RDH11: variants seen among roughly 807,000 people sequenced by gnomAD.
RDH11 encodes retinol dehydrogenase 11.
RDH11 carries 19 observed loss-of-function variants against 33.4 expected under a neutral mutation model. That is an observed-to-expected ratio of 0.57 (90% CI 0.40 to 0.83). The LOEUF (loss-of-function observed/expected upper bound fraction) is 0.83. Among genes scored for constraint, RDH11 ranks in the 40% least tolerant of loss-of-function variants. RDH11 has a pLI of 0.00. For synonymous variants in RDH11, 154 were observed against 155.3 expected (o/e 0.99, Z 0.06); for missense variants, 353 against 389.0 (o/e 0.91, Z 0.78).
chr14:67,682,303 C>T (rs1304043535), intron 6 of RDH11, among the ~76,000 whole-genome samples: 1 of 152,044 alleles, frequency 6.6e-6, no homozygotes, highest in Non-Finnish European at 1.5e-5. Flanking sequence ...TCAAAAGATA[C>T]CATTAAGAAA....
intron 4 of RDH11, 35 bp from the exon 5 acceptor site, chr14:67,690,456 G>T: frequency 1.3e-6 from 2 of 1,583,198 alleles, no homozygotes; most frequent in Non-Finnish European, 1.7e-6. Context: ...GAAGTTCAGG[G>T]CCATGTAGGA....
chr14:67,680,696 T>C (rs1220380642), intron 6 of RDH11, among the ~76,000 whole-genome samples: 1 of 152,126 alleles, frequency 6.6e-6, no homozygotes, highest in African/African-American at 2.4e-5. Flanking sequence ...TGGGCTCAAG[T>C]AGTTTGCCCA....
In RDH11 at chr14:67,677,462, A is replaced by G. The variant is rs1161411705; in HGVS notation, c.*859T>C. ...CCCTCAATTCCTCCATAGCTATGTT[A>G]GCATATTTAATATCTTTTGCTATTA... On this transcript the variant is annotated 3_prime_UTR_variant, in exon 7 of 7. Transcript: ENST00000381346. 7.9e-6 allele frequency: 1 copy of G among 126,564 alleles called. No individual in the cohort carries two copies. The highest frequency in any genetic ancestry group is 1.0e-4 in the Admixed American group (1 of 9,820). 7.8% of individuals were successfully genotyped at this position (126,564 alleles called of 1,614,324 possible).
intron 6 of RDH11, among the ~76,000 whole-genome samples, chr14:67,679,450 C>T (rs2037586196): frequency 6.7e-6 from 1 of 149,674 alleles, no homozygotes; most frequent in South Asian, 2.1e-4. Flanking sequence ...GTCGCCCAGG[C>T]TGGAGTGCAG....
In RDH11 at chr14:67,685,154, G is replaced by A. The variant is rs761135724; in HGVS notation, c.715C>T (p.Leu239=). 3.7e-6 allele frequency: 6 copies of A among 1,614,080 alleles called. No homozygotes were observed. In the African/African-American group the frequency reaches 5.3e-5, roughly 14 times the overall value. The part of the protein sequence containing the change: ...SVHPGTVQSE[L]VRHSSFMRWM... ...CTCATGAAAGATGAGTGCCGAACCA[G>A]TTCAGATTGGACTGTGCCAGGGTGT... The change falls in exon 6 of 7, where the codon CTG becomes TTG. Residue 239 remains leucine, a synonymous_variant. Coordinates refer to ENST00000381346, the MANE Select transcript of RDH11 (RefSeq NM_016026.4).
intron 3 of RDH11, 33 bp downstream of exon 3, chr14:67,692,405 C>T: frequency 6.2e-7 from 1 of 1,610,730 alleles, no homozygotes; most frequent in Non-Finnish European, 8.5e-7. Context: ...GACCTCAAGA[C>T]CCACAACATA....
At position 67,678,439 on chromosome 14, in the gene RDH11, A is replaced by T; in HGVS notation, c.855-16T>A. ...ATGACAGTCACTGGAAGGTAAAGAGAAAGGTATGAAGCACAGTGTTAAGAA... is the reference window on the plus strand; with the variant it reads ...ATGACAGTCACTGGAAGGTAAAGAGTAAGGTATGAAGCACAGTGTTAAGAA... On this transcript the variant is annotated splice_polypyrimidine_tract_variant and intron_variant, in intron 6 of 6. Coordinates refer to ENST00000381346, the MANE Select transcript of RDH11 (RefSeq NM_016026.4). The T allele has an allele frequency of 6.4e-7, 1 of 1,553,728 alleles. No homozygotes were observed. Among genetic ancestry groups the T allele is most frequent in the Non-Finnish European group, 8.9e-7 (1 of 1,125,222 alleles).
intron 6 of RDH11, among the ~76,000 whole-genome samples, chr14:67,679,325 A>G (rs2140052032): frequency 6.6e-6 from 1 of 152,286 alleles, no homozygotes; most frequent in African/African-American, 2.4e-5. Flanking sequence ...AGTTTCCAAC[A>G]TATGAACCTT....
At chr14:67,683,022 G>A (rs1015415459) in intron 6 of RDH11, among the ~76,000 whole-genome samples, 3 of 152,212 alleles carry the variant, frequency 2.0e-5, no homozygotes, top group African/African-American at 7.2e-5. Context: ...GAAATGTCCA[G>A]TAAAGGCAAA....
chr14:67,678,189 C>CA lies in RDH11; in HGVS notation c.*131dup. The stretch of plus-strand genomic sequence containing the variant: ...AGTACACTGAGTTTTAACTGGACAC[C>CA]AAGCAGGCAAGGCTGGAAGGTTTTG... On this transcript the variant is annotated 3_prime_UTR_variant, in exon 7 of 7. Coordinates refer to ENST00000381346, the MANE Select transcript of RDH11 (RefSeq NM_016026.4). The CA allele has an allele frequency of 1.6e-6, 1 of 625,460 alleles. No individual in the cohort carries two copies. The highest frequency in any genetic ancestry group is 1.9e-5 in the South Asian group (1 of 53,480). The allele number at this position is 625,460 out of a possible 1,614,324, so 38.7% of individuals were successfully genotyped here. A position where few individuals can be genotyped will look rare whatever the true frequency, so the allele number is the denominator to read the frequency against.
In RDH11 at chr14:67,678,383, C is replaced by T. The variant is rs753964336; in HGVS notation, c.895G>A (p.Glu299Lys). The change falls in exon 7 of 7, where the codon GAG (glutamate) becomes AAG (lysine). Residue 299 changes from glutamate (E) to lysine (K), a missense_variant. Glu to Lys is a moderately conservative substitution (Grantham distance 56). Transcript: ENST00000381346. The stretch of plus-strand genomic sequence containing the variant: ...TCCCACAGCCGCCTTGCTATAGTCT[C>T]ATTACGAGCTTGGGCAGAGACCCAT... ...VAWVSAQARN[E>K]TIARRLWDVS... 12 of 1,614,060 alleles carry T rather than the reference C, an allele frequency of 7.4e-6. No homozygotes were observed. In the East Asian group the frequency reaches 2.2e-4, roughly 30 times the overall value.
intron 5 of RDH11, among the ~76,000 whole-genome samples, chr14:67,687,494 G>T (rs1594850435): frequency 7.3e-6 from 1 of 136,392 alleles, no homozygotes. Context: ...TTTTGAGATG[G>T]AGTTTCACTC....
intron 1 of RDH11, among the ~76,000 whole-genome samples, chr14:67,693,426 A>G (rs2037780193): frequency 6.6e-6 from 1 of 152,098 alleles, no homozygotes; most frequent in South Asian, 2.1e-4. Context: ...CAATCTGTCC[A>G]CAACTGGCAT....
chr14:67,691,034 T>A, intron 4 of RDH11, 106 bp downstream of exon 4: 3 of 767,898 alleles, frequency 3.9e-6, no homozygotes, highest in East Asian at 2.4e-5. Flanking sequence ...TGGTCTATTA[T>A]GGTCCTGAGG....
At chr14:67,694,906 C>T (rs1388294891) in intron 1 of RDH11, among the ~76,000 whole-genome samples, 1 of 152,104 alleles carries the variant, frequency 6.6e-6, no homozygotes, top group African/African-American at 2.4e-5. Flanking sequence ...TACTTAGAAC[C>T]AATAAGCAGG....
intron 4 of RDH11, chr14:67,690,629 T>C (rs2037737501): frequency 5.4e-6 from 3 of 560,114 alleles, no homozygotes; most frequent in Admixed American, 6.1e-5. Flanking sequence ...ATGAGCGAGA[T>C]AGGTCTAGAC....
At position 67,677,029 on chromosome 14, in the gene RDH11, A is replaced by C. The variant is rs1399087561; in HGVS notation, c.*1292T>G. Reference sequence around the variant, plus strand: ...CAAGTGCAATAAAAGATTAATTTACAAGTATCAGAAGTGAAGACTGTGGTC... The same window carrying C: ...CAAGTGCAATAAAAGATTAATTTACCAGTATCAGAAGTGAAGACTGTGGTC... On this transcript the variant is annotated 3_prime_UTR_variant, in exon 7 of 7. Transcript: ENST00000381346. 6.6e-6 allele frequency: 1 copy of C among 152,208 alleles called. No homozygotes were observed. The highest frequency in any genetic ancestry group is 1.5e-5 in the Non-Finnish European group (1 of 68,036). The allele number at this position is 152,208 out of a possible 1,614,324, so 9.4% of individuals were successfully genotyped here. A position where few individuals can be genotyped will look rare whatever the true frequency, so the allele number is the denominator to read the frequency against.
intron 1 of RDH11, 42 bp downstream of exon 1, chr14:67,695,588 G>T: frequency 6.4e-7 from 1 of 1,569,306 alleles, no homozygotes; most frequent in Non-Finnish European, 8.7e-7. Context: ...CTCCCGCCCC[G>T]CAACAAGAAT....
At chr14:67,693,651 CTT>C (rs368006456) in intron 1 of RDH11, among the ~76,000 whole-genome samples, 16 of 142,198 alleles carry the variant, frequency 1.1e-4, no homozygotes, top group Non-Finnish European at 9.3e-5. Context: ...TTCTCTTTCT[CTT>C]TTTTTTTTTT....
Sources: gnomAD v4.1 joint callset for allele counts (sites outside exome capture counted in the v4.1 genomes callset) on GRCh38, gnomAD v4.1.1 for gene constraint, MANE v1.5 for transcripts, NCBI Gene and HGNC (gene_info 2026-07-23, HGNC 2026-07-21) for gene names.